OXGR1: variants seen among roughly 807,000 people sequenced by gnomAD.
The protein encoded by OXGR1 is oxoglutarate receptor 1, also known as 2-oxoglutarate receptor 1.
A neutral mutation model predicts 10.0 loss-of-function variants in OXGR1; 10 were observed. The ratio of observed to expected loss-of-function variants is 1.00; its 90% CI spans 0.62 to 1.70. The LOEUF (loss-of-function observed/expected upper bound fraction) is 1.70. OXGR1 is among the 40% of genes most tolerant of loss of function. OXGR1 has a pLI of 0.00. For missense variants in OXGR1, 398 were observed against 407.6 expected (o/e 0.98, Z 0.20); for synonymous variants, 191 against 155.9 (o/e 1.22, Z -1.68).
Position 96,987,761 on chromosome 13 carries a change from G to T in OXGR1, c.-2C>A, listed in dbSNP as rs765479345. The T allele has an allele frequency of 3.2e-6, 5 of 1,562,066 alleles. No individual in the cohort carries two copies. The Admixed American group carries it at 7.6e-5, about 24-fold the overall frequency. On this transcript the variant is annotated 5_prime_UTR_variant, in exon 4 of 4. Transcript: ENST00000541038. ...TAAATAGTCTAGTGGCTCATTCATG[G>T]TTGTCTCCTTTCATCTTGCAAGAAA...
Position 96,987,488 on chromosome 13 carries a change from T to A in OXGR1, c.272A>T (p.His91Leu), listed in dbSNP as rs747412661. The A allele has an allele frequency of 6.2e-7, 1 of 1,614,168 alleles. No individual in the cohort carries two copies. The highest frequency in any genetic ancestry group is 1.7e-5 in the Admixed American group (1 of 60,030). Residue 91 changes from histidine to leucine, a missense_variant, in exon 4 of 4, where the codon CAC (histidine) becomes CTC (leucine). Coordinates refer to ENST00000541038, the MANE Select transcript of OXGR1 (RefSeq NM_001346194.2). ...CCAGTTTTCGCCACTGGCATAGTAG[T>A]GAATCAGGAAGGGGAGGCTGGTCAG... ...LYLTSLPFLI[H>L]YYASGENWIF... is the part of the protein sequence containing the mutation.
rs750443098 is a variant in OXGR1 at position 96,986,904 on chromosome 13, C to T, written c.856G>A (p.Val286Ile). 11 of 1,613,978 alleles carry T rather than the reference C, an allele frequency of 6.8e-6. No individual in the cohort carries two copies. Among genetic ancestry groups the T allele is most frequent in the East Asian group, 2.2e-5 (1 of 44,890 alleles). ...TTCAGAGCAGCTAATGGTCTAGAAA[C>T]GATGTAAGCTTCATGGATCTGATTC... is the stretch of plus-strand genomic sequence containing the variant. The part of the protein sequence containing the change: ...IENQIHEAYI[V>I]SRPLAALNTF... Residue 286 changes from valine (V) to isoleucine (I), a missense_variant, in exon 4 of 4, where the codon GTT becomes ATT. Val to Ile is a conservative substitution (Grantham distance 29). Coordinates refer to ENST00000541038, the MANE Select transcript of OXGR1 (RefSeq NM_001346194.2).
rs1881771954 is a variant in OXGR1 at position 96,986,900 on chromosome 13, G to A, written c.860C>T (p.Ser287Phe). 2.5e-6 allele frequency: 4 copies of A among 1,614,192 alleles called. No homozygotes were observed. The highest frequency in any genetic ancestry group is 3.4e-6 in the Non-Finnish European group (4 of 1,180,034). ...GGTGTTCAGAGCAGCTAATGGTCTA[G>A]AAACGATGTAAGCTTCATGGATCTG... ...ENQIHEAYIV[S>F]RPLAALNTFG... Residue 287 changes from serine to phenylalanine, a missense_variant, in exon 4 of 4, where the codon TCT (serine) becomes TTT (phenylalanine). Coordinates refer to ENST00000541038, the MANE Select transcript of OXGR1 (RefSeq NM_001346194.2).
chr13:96,987,018 G>C lies in OXGR1; in HGVS notation c.742C>G (p.Leu248Val). 6.2e-7 allele frequency: 1 copy of C among 1,614,194 alleles called. No individual in the cohort carries two copies. The highest frequency in any genetic ancestry group is 8.5e-7 in the Non-Finnish European group (1 of 1,180,034). Residue 248 changes from leucine (L) to valine (V), a missense_variant, in exon 4 of 4, where the codon CTT becomes GTT. Transcript: ENST00000541038. ...GGTAAAAAACATACGTAAAATGCAA[G>C]GAGTAGCAGAATGGTTAGCCTTCGT... Reference protein sequence around the residue: ...KARRLTILLLLAFYVCFLPFH... With the variant: ...KARRLTILLLVAFYVCFLPFH...
In OXGR1 at chr13:96,986,616, G is replaced by A. The variant is rs947439639; in HGVS notation, c.*130C>T. 1.1e-6 allele frequency: 1 copy of A among 949,762 alleles called. No homozygotes were observed. Among genetic ancestry groups the A allele is most frequent in the Admixed American group, 2.7e-5 (1 of 36,824 alleles). The allele number at this position is 949,762 out of a possible 1,614,324, so 58.8% of individuals were successfully genotyped here. The stretch of plus-strand genomic sequence containing the variant: ...GCAAAGAACTAGAAGCTCTGCCCTG[G>A]CTTTGGCACATGATTACTTGAATAC... On this transcript the variant is annotated 3_prime_UTR_variant, in exon 4 of 4. Coordinates refer to ENST00000541038, the MANE Select transcript of OXGR1 (RefSeq NM_001346194.2).
Position 96,987,276 on chromosome 13 carries a change from G to A in OXGR1, c.484C>T (p.Leu162=), listed in dbSNP as rs1881805151. Reference sequence around the variant, plus strand: ...AAGGTCATCGGAATGACAGCTACCAGTGAAATGATCCACACCACAGCACAG... The same window carrying A: ...AAGGTCATCGGAATGACAGCTACCAATGAAATGATCCACACCACAGCACAG... The part of the protein sequence containing the change: ...VACAVVWIIS[L]VAVIPMTFLI... The change falls in exon 4 of 4, where the codon CTG becomes TTG. Residue 162 remains leucine, a synonymous_variant. Coordinates refer to ENST00000541038, the MANE Select transcript of OXGR1 (RefSeq NM_001346194.2). 1 of 1,613,552 alleles carries A rather than the reference G, an allele frequency of 6.2e-7. No homozygotes were observed. The highest frequency in any genetic ancestry group is 8.5e-7 in the Non-Finnish European group (1 of 1,179,552).
intron 3 of OXGR1, among the ~76,000 whole-genome samples, chr13:96,988,373 T>A (rs1002708006): frequency 1.3e-5 from 2 of 152,180 alleles, no homozygotes; most frequent in Admixed American, 6.5e-5. Flanking sequence ...ACATTACCTC[T>A]CAGTGCTGCC....
chr13:96,993,102 C>CT (rs1351899601), intron 1 of OXGR1, among the ~76,000 whole-genome samples: 1 of 152,216 alleles, frequency 6.6e-6, no homozygotes, highest in Non-Finnish European at 1.5e-5. Context: ...AAATTTGTGA[C>CT]TGGGTAAGTG....
chr13:96,988,735 G>A (rs1251061750), intron 3 of OXGR1, among the ~76,000 whole-genome samples: 1 of 152,136 alleles, frequency 6.6e-6, no homozygotes, highest in African/African-American at 2.4e-5. Flanking sequence ...GCTCTCTAGG[G>A]CTGGAAGGAG....
At position 96,987,363 on chromosome 13, in the gene OXGR1, A is replaced by G. The variant is rs758761910; in HGVS notation, c.397T>C (p.Cys133Arg). The part of the protein sequence containing the change: ...FLTCFSIFRY[C>R]VIIHPMSCFS... ...CAGCTCATTGGGTGAATGATCACACAGTAGCGGAAGATGCTGAAACAGGTG... is the reference window on the plus strand; with the variant it reads ...CAGCTCATTGGGTGAATGATCACACGGTAGCGGAAGATGCTGAAACAGGTG... Residue 133 changes from cysteine to arginine, a missense_variant, in exon 4 of 4, where the codon TGT (cysteine) becomes CGT (arginine). Physicochemically the swap from Cys to Arg is radical, Grantham distance 180. Transcript: ENST00000541038. 2.5e-6 allele frequency: 4 copies of G among 1,614,114 alleles called. No homozygotes were observed. In the South Asian group the frequency reaches 3.3e-5, roughly 13 times the overall value.
Position 96,987,390 on chromosome 13 carries a change from G to C in OXGR1, c.370C>G (p.Leu124Val). 5 of 1,614,198 alleles carry C rather than the reference G, an allele frequency of 3.1e-6. No individual in the cohort carries two copies. The highest frequency in any genetic ancestry group is 4.2e-6 in the Non-Finnish European group (5 of 1,180,030). ...HFNLYSSILFLTCFSIFRYCV... is the reference protein window; with the variant it reads ...HFNLYSSILFVTCFSIFRYCV... The stretch of plus-strand genomic sequence containing the variant: ...TAGCGGAAGATGCTGAAACAGGTGA[G>C]GAAGAGGATGCTGCTATACAGGTTG... Residue 124 changes from leucine to valine, a missense_variant, in exon 4 of 4, where the codon CTC (leucine) becomes GTC (valine). Physicochemically the swap from Leu to Val is conservative, Grantham distance 32 (BLOSUM62 1). Transcript: ENST00000541038.
intron 3 of OXGR1, among the ~76,000 whole-genome samples, chr13:96,988,926 T>C (rs1287869800): frequency 6.6e-6 from 1 of 152,110 alleles, no homozygotes; most frequent in African/African-American, 2.4e-5. Context: ...CTGTATTGGG[T>C]CCTCTGTCAA....
At position 96,986,593 on chromosome 13, in the gene OXGR1, A is replaced by T. The variant is rs1362720175; in HGVS notation, c.*153T>A. ...TGGAGGAGCTCAATAAAGGGATTGCAAAGAACTAGAAGCTCTGCCCTGGCT... is the reference window on the plus strand; with the variant it reads ...TGGAGGAGCTCAATAAAGGGATTGCTAAGAACTAGAAGCTCTGCCCTGGCT... On this transcript the variant is annotated 3_prime_UTR_variant, in exon 4 of 4. Transcript: ENST00000541038. 1.3e-6 allele frequency: 1 copy of T among 747,492 alleles called. No individual in the cohort carries two copies. The highest frequency in any genetic ancestry group is 1.8e-5 in the African/African-American group (1 of 56,600). The allele number at this position is 747,492 out of a possible 1,614,324, so 46.3% of individuals were successfully genotyped here.
Position 96,986,556 on chromosome 13 carries a change from A to T in OXGR1, c.*190T>A. On this transcript the variant is annotated 3_prime_UTR_variant, in exon 4 of 4. Transcript: ENST00000541038. ...GCTGATATACATGCATCCCATTCTTATATCTCCCCAGTGGAGGAGCTCAAT... is the reference window on the plus strand; with the variant it reads ...GCTGATATACATGCATCCCATTCTTTTATCTCCCCAGTGGAGGAGCTCAAT... 6.7e-6 allele frequency: 4 copies of T among 596,786 alleles called. No homozygotes were observed. Among genetic ancestry groups the T allele is most frequent in the South Asian group, 4.2e-5 (2 of 47,136 alleles). The allele number at this position is 596,786 out of a possible 1,614,324, so 37.0% of individuals were successfully genotyped here.
chr13:96,994,669 CCA>C (rs1188046807), upstream of OXGR1: 1 of 152,118 alleles, frequency 6.6e-6, no homozygotes, highest in Non-Finnish European at 1.5e-5. Flanking sequence ...AGAAATTTCA[CCA>C]CTCTCCTACA....
chr13:96,994,023 C>T (rs1223738973), intron 1 of OXGR1, among the ~76,000 whole-genome samples: 1 of 152,136 alleles, frequency 6.6e-6, no homozygotes, highest in Non-Finnish European at 1.5e-5. Flanking sequence ...TCCCTAACTC[C>T]CCCAGTTCTC....
rs943449051 is a variant in OXGR1, at chr13:96,986,596, G to A, written c.*150C>T. On this transcript the variant is annotated 3_prime_UTR_variant, in exon 4 of 4. Transcript: ENST00000541038. ...AGGAGCTCAATAAAGGGATTGCAAA[G>A]AACTAGAAGCTCTGCCCTGGCTTTG... 1 of 763,082 alleles carries A rather than the reference G, an allele frequency of 1.3e-6. No individual in the cohort carries two copies. Among genetic ancestry groups the A allele is most frequent in the East Asian group, 2.7e-5 (1 of 37,624 alleles). The allele number at this position is 763,082 out of a possible 1,614,324, so 47.3% of individuals were successfully genotyped here. A position where few individuals can be genotyped will look rare whatever the true frequency, so the allele number is the denominator to read the frequency against.
In OXGR1 at chr13:96,986,995, T is replaced by TA; in HGVS notation, c.764dup (p.Leu255PhefsTer23). ...GAATGACCCTCAAGATATGGAAGGG[T>TA]AAAAAACATACGTAAAATGCAAGGA... On this transcript the variant is annotated frameshift_variant, in exon 4 of 4. Transcript: ENST00000541038. LOFTEE classifies it high-confidence loss of function. The TA allele has an allele frequency of 1.2e-6, 2 of 1,614,010 alleles. No individual in the cohort carries two copies. The highest frequency in any genetic ancestry group is 1.1e-5 in the South Asian group (1 of 91,078).
In OXGR1 at chr13:96,987,260, G is replaced by A. The variant is rs747278208; in HGVS notation, c.500C>T (p.Pro167Leu). Residue 167 changes from proline to leucine, a missense_variant, in exon 4 of 4, where the codon CCG (proline) becomes CTG (leucine). By Grantham distance (98) the Pro-to-Leu change is moderately conservative. Coordinates refer to ENST00000541038, the MANE Select transcript of OXGR1 (RefSeq NM_001346194.2). ...GGTTGATGTGATCAAGAAGGTCATC[G>A]GAATGACAGCTACCAGTGAAATGAT... ...VWIISLVAVI[P>L]MTFLITSTNR... The A allele has an allele frequency of 2.2e-5, 35 of 1,612,698 alleles. No individual in the cohort carries two copies. The East Asian group carries it at 4.0e-4, about 18-fold the overall frequency.
Sources: gnomAD v4.1 joint callset for allele counts (sites outside exome capture counted in the v4.1 genomes callset) on GRCh38, gnomAD v4.1.1 for gene constraint, MANE v1.5 for transcripts, NCBI Gene and HGNC (gene_info 2026-07-23, HGNC 2026-07-21) for gene names.